FGF1: variants seen among roughly 807,000 people sequenced by gnomAD.
FGF1 encodes beta-endothelial cell growth factor.
A neutral mutation model predicts 13.4 loss-of-function variants in FGF1; 9 were observed. That is an observed-to-expected ratio of 0.67 (90% CI 0.40 to 1.17). The LOEUF is 1.17. FGF1 is among the 50% of genes most tolerant of loss of function. The probability of loss-of-function intolerance (pLI) is 0.01; values close to 1 mark genes in which losing one functional copy is unlikely to be tolerated. For synonymous variants in FGF1, 93 were observed against 79.0 expected, an observed-to-expected ratio of 1.18 and a Z score of -0.94; for missense variants, 156 against 192.7, an observed-to-expected ratio of 0.81 and a Z score of 1.13.
chr5:142,679,238 C>T lies in FGF1; in HGVS notation c.-35+6719G>A, dbSNP rs965211907. Among the ~76,000 whole-genome samples, 5 of 152,182 alleles carry T rather than the reference C, an allele frequency of 3.3e-5. 1 individual carries two copies. The highest frequency in any genetic ancestry group is 2.6e-4 in the Admixed American group (4 of 15,280). On this transcript the variant is annotated intron_variant, in intron 1 of 3. Transcript: ENST00000337706. Reference sequence around the variant, plus strand: ...GCACTCAGCCACACTGGCCTTCCTCCCGCTCCTTGGTGATGCCAGGCTTCC... The same window carrying T: ...GCACTCAGCCACACTGGCCTTCCTCTCGCTCCTTGGTGATGCCAGGCTTCC...
At chr5:142,688,310 A>G (rs1426014743), upstream of FGF1, among the ~76,000 whole-genome samples, 1 of 152,198 alleles carries the variant, frequency 6.6e-6, no homozygotes, top group Non-Finnish European at 1.5e-5. Flanking sequence ...CATTTATTTG[A>G]ACTTCTGTTA....
intron 3 of FGF1, among the ~76,000 whole-genome samples, chr5:142,600,327 A>C (rs10066931): frequency 0.069 from 10,564 of 152,154 alleles, 600 homozygotes; most frequent in East Asian, 0.14. Context: ...GTGCCACTGC[A>C]CTCCAGCCTG....
rs200708364 is a variant in FGF1 at position 142,600,742 on chromosome 5, T to C, written c.233A>G (p.Gln78Arg). 123 of 1,613,878 alleles carry C rather than the reference T, an allele frequency of 7.6e-5. No homozygotes were observed. The highest frequency in any genetic ancestry group is 8.5e-5 in the Non-Finnish European group (100 of 1,179,856). ...CCCGTCGGTGTCCATGGCCAAGTAC[T>C]GGCCAGTCTCGGTACTCTTTATATA... Reference protein sequence around the residue: ...EVYIKSTETGQYLAMDTDGLL... With the variant: ...EVYIKSTETGRYLAMDTDGLL... The change falls in exon 3 of 4, where the codon CAG becomes CGG. Residue 78 changes from glutamine to arginine, a missense_variant. Physicochemically the swap from Gln to Arg is conservative, Grantham distance 43. Coordinates refer to ENST00000337706, the MANE Select transcript of FGF1 (RefSeq NM_000800.5).
chr5:142,599,577 T>C (rs1756042275), intron 3 of FGF1, among the ~76,000 whole-genome samples: 1 of 152,214 alleles, frequency 6.6e-6, no homozygotes, highest in South Asian at 2.1e-4. Flanking sequence ...GTTTATCAAC[T>C]GTTAGGATAC....
intron 1 of FGF1, among the ~76,000 whole-genome samples, chr5:142,630,285 G>T (rs932778512): frequency 2.0e-5 from 3 of 152,096 alleles, no homozygotes; most frequent in African/African-American, 7.2e-5. Flanking sequence ...TTAGCTGGCT[G>T]ACTTCTCTGA....
intron 2 of FGF1, among the ~76,000 whole-genome samples, chr5:142,693,240 C>T (rs11949820): frequency 0.064 from 9,751 of 151,994 alleles, 362 homozygotes; most frequent in South Asian, 0.1. Flanking sequence ...AGCCCTGTCG[C>T]GGGGTTAATT....
intron 1 of FGF1, among the ~76,000 whole-genome samples, chr5:142,626,095 CCA>C: frequency 6.6e-6 from 1 of 152,234 alleles, no homozygotes; most frequent in East Asian, 1.9e-4. Flanking sequence ...TTACTGTATG[CCA>C]GATATGGTTC....
At chr5:142,694,085 T>C (rs898365941) in intron 2 of FGF1, among the ~76,000 whole-genome samples, 3 of 139,896 alleles carry the variant, frequency 2.1e-5, no homozygotes, top group African/African-American at 5.4e-5. Flanking sequence ...TCTATCTATC[T>C]ATAATCTATC....
chr5:142,606,238 G>GTGTT (rs1757647823), intron 2 of FGF1, among the ~76,000 whole-genome samples: 1 of 147,548 alleles, frequency 6.8e-6, no homozygotes, highest in Non-Finnish European at 1.5e-5. Flanking sequence ...GTGTGTGTGT[G>GTGTT]TGTGTGTATG....
intron 1 of FGF1, among the ~76,000 whole-genome samples, chr5:142,632,925 T>G (rs1597232100): frequency 6.8e-6 from 1 of 147,118 alleles, no homozygotes; most frequent in Non-Finnish European, 1.5e-5. Context: ...TTGTTTACTT[T>G]TTTTTTTTTT....
At position 142,648,965 on chromosome 5, in the gene FGF1, C is replaced by T. The variant is rs143929240; in HGVS notation, c.-34-34804G>A. Among the ~76,000 whole-genome samples, 45 of 152,182 alleles carry T rather than the reference C, an allele frequency of 3.0e-4. 2 individuals are homozygous for T. In the East Asian group the frequency reaches 7.0e-3, roughly 24 times the overall value. On this transcript the variant is annotated intron_variant, in intron 1 of 3. Coordinates refer to ENST00000337706, the MANE Select transcript of FGF1 (RefSeq NM_000800.5). Reference sequence around the variant, plus strand: ...CAGATCCAGGAAAACAATAGCAGGACGGCCGAGAGAGGAAACAAGGCGACC... The same window carrying T: ...CAGATCCAGGAAAACAATAGCAGGATGGCCGAGAGAGGAAACAAGGCGACC...
chr5:142,628,727 G>A (rs1362004491), intron 1 of FGF1, among the ~76,000 whole-genome samples: 2 of 152,128 alleles, frequency 1.3e-5, no homozygotes, highest in African/African-American at 4.8e-5. Context: ...CCCCTGTCAT[G>A]TTTAGAGATT....
At chr5:142,691,916 T>C (rs1379195465) in intron 2 of FGF1, among the ~76,000 whole-genome samples, 3 of 152,226 alleles carry the variant, frequency 2.0e-5, no homozygotes, top group Non-Finnish European at 2.9e-5. Flanking sequence ...CATTTATTTA[T>C]ATTTATGGGA....
chr5:142,654,838 A>G (rs1767871480), intron 1 of FGF1, among the ~76,000 whole-genome samples: 1 of 152,320 alleles, frequency 6.6e-6, no homozygotes, highest in Non-Finnish European at 1.5e-5. Flanking sequence ...AGAGAGAAAG[A>G]GGGAGAAGGG....
intron 3 of FGF1, among the ~76,000 whole-genome samples, chr5:142,599,485 C>T (rs1335246561): frequency 1.3e-5 from 2 of 152,164 alleles, no homozygotes; most frequent in South Asian, 2.1e-4. Flanking sequence ...AAAATTCCCC[C>T]TACTGACTGT....
At chr5:142,695,628 C>G (rs995028028) in intron 2 of FGF1, among the ~76,000 whole-genome samples, 2 of 150,328 alleles carry the variant, frequency 1.3e-5, no homozygotes, top group Admixed American at 6.6e-5. Flanking sequence ...GAATTAACGA[C>G]CCCAAGTAAT....
intron 1 of FGF1, among the ~76,000 whole-genome samples, chr5:142,640,954 C>T (rs545260092): frequency 6.6e-6 from 1 of 151,934 alleles, no homozygotes; most frequent in Admixed American, 6.5e-5. Context: ...AGTAGATGCT[C>T]GGTGAATATC....
chr5:142,686,834 G>C (rs17099249), upstream of FGF1, among the ~76,000 whole-genome samples: 10 of 152,270 alleles, frequency 6.6e-5, no homozygotes, highest in South Asian at 1.9e-3. Flanking sequence ...GCCTGTCCCC[G>C]TTGGATGAGG....
intron 1 of FGF1, among the ~76,000 whole-genome samples, chr5:142,653,301 G>A (rs1039150822): frequency 7.2e-5 from 11 of 152,214 alleles, no homozygotes; most frequent in South Asian, 6.2e-4. Flanking sequence ...CGGTAGTTGC[G>A]GCACCCTCCT....
Sources: allele counts gnomAD v4.1 joint callset (sites outside exome capture counted in the v4.1 genomes callset), GRCh38; gene constraint gnomAD v4.1.1; transcripts MANE v1.5; gene names NCBI Gene and HGNC (gene_info 2026-07-23, HGNC 2026-07-21).